The following PTPRO variants were observed in gnomAD, a reference collection of about 807,000 sequenced individuals.
PTPRO encodes the protein receptor-type tyrosine-protein phosphatase O.
A neutral mutation model predicts 145.2 loss-of-function variants in PTPRO; 62 were observed. The observed-to-expected ratio is 0.43, with a 90% CI of 0.35 to 0.53. The LOEUF (loss-of-function observed/expected upper bound fraction) is 0.53. PTPRO is among the 20% of genes least tolerant of loss of function. PTPRO has a pLI of 0.01. For synonymous variants in PTPRO, 565 were observed against 514.7 expected (o/e 1.10, Z -1.32); for missense variants, 1,345 against 1,482.7 (o/e 0.91, Z 1.53).
At chr12:15,512,917 C>A (rs1942471445) in intron 7 of PTPRO, among the ~76,000 whole-genome samples, 1 of 151,710 alleles carries the variant, frequency 6.6e-6, no homozygotes, top group African/African-American at 2.4e-5. Context: ...TCACGTGAAC[C>A]CAGGAGGCAG....
chr12:15,333,875 T>C (rs1866681106), intron 1 of PTPRO, among the ~76,000 whole-genome samples: 1 of 152,122 alleles, frequency 6.6e-6, no homozygotes, highest in African/African-American at 2.4e-5. Flanking sequence ...CATAAATAGG[T>C]TCCCTTGTGT....
intron 1 of PTPRO, among the ~76,000 whole-genome samples, chr12:15,368,954 G>A (rs974232323): frequency 3.3e-5 from 5 of 152,146 alleles, no homozygotes; most frequent in African/African-American, 7.2e-5. Context: ...AACTCCCGTG[G>A]GGGCTGTGAA....
rs57464176 is a variant in PTPRO, at chr12:15,546,015, CAAA to C, written c.2165-541_2165-539del. On this transcript the variant is annotated intron_variant, in intron 12 of 26. Coordinates refer to ENST00000281171, the MANE Select transcript of PTPRO (RefSeq NM_030667.3). ...GGGTGACAGAGTGAGACCCCCGCCT[CAAA>C]AAAAAAAAAAAATGATACTATCTGT... 2.4e-3 allele frequency among the ~76,000 whole-genome samples: 318 copies of C among 133,350 alleles called. 5 individuals carry two copies. The East Asian group carries it at 0.053, about 22-fold the overall frequency. 87.5% of individuals were successfully genotyped at this position (133,350 alleles called of 152,430 possible). A position where few individuals can be genotyped will look rare whatever the true frequency, so the allele number is the denominator to read the frequency against.
At chr12:15,450,804 C>T (rs1343774295) in intron 1 of PTPRO, among the ~76,000 whole-genome samples, 3 of 151,956 alleles carry the variant, frequency 2.0e-5, no homozygotes, top group Non-Finnish European at 4.4e-5. Flanking sequence ...AAAAAAACTA[C>T]CAAGCCAGCA....
At chr12:15,419,206 G>A (rs1364737655) in intron 1 of PTPRO, among the ~76,000 whole-genome samples, 1 of 146,100 alleles carries the variant, frequency 6.8e-6, no homozygotes, top group Non-Finnish European at 1.5e-5. Context: ...CTGCATTTGT[G>A]CCGACAAGTC....
At chr12:15,328,764 T>C (rs1866522486) in intron 1 of PTPRO, among the ~76,000 whole-genome samples, 1 of 152,206 alleles carries the variant, frequency 6.6e-6, no homozygotes, top group African/African-American at 2.4e-5. Flanking sequence ...CTTTATCTAT[T>C]TGGTTTTTCA....
chr12:15,564,114 T>A (rs1943841677), intron 17 of PTPRO, among the ~76,000 whole-genome samples: 1 of 152,130 alleles, frequency 6.6e-6, no homozygotes, highest in South Asian at 2.1e-4. Flanking sequence ...GACTGATTTT[T>A]CCCTCTAAAT....
At chr12:15,455,367 G>A (rs1005630708) in intron 1 of PTPRO, among the ~76,000 whole-genome samples, 1 of 151,590 alleles carries the variant, frequency 6.6e-6, no homozygotes. Context: ...TTTTTCCTGA[G>A]TTTTTTCTCA....
chr12:15,478,006 C>A (rs1941695438), intron 1 of PTPRO, among the ~76,000 whole-genome samples: 1 of 152,272 alleles, frequency 6.6e-6, no homozygotes, highest in East Asian at 1.9e-4. Context: ...AGGGGACAAC[C>A]ATGACTCAGC....
chr12:15,519,205 C>T (rs759985626), intron 9 of PTPRO, among the ~76,000 whole-genome samples: 35 of 152,242 alleles, frequency 2.3e-4, no homozygotes, highest in African/African-American at 7.7e-4. Context: ...AGGAAAACTC[C>T]CCCTTACAAT....
chr12:15,526,313 C>A, intron 12 of PTPRO, 51 bp downstream of exon 12: 1 of 1,605,700 alleles, frequency 6.2e-7, no homozygotes, highest in South Asian at 1.1e-5. Context: ...ATGTTTGCAT[C>A]ATTCGATTCA....
intron 1 of PTPRO, among the ~76,000 whole-genome samples, chr12:15,352,818 A>C (rs1937855313): frequency 6.6e-6 from 1 of 152,188 alleles, no homozygotes; most frequent in Non-Finnish European, 1.5e-5. Flanking sequence ...AATAGCTTAC[A>C]TAAACAGCCT....
At chr12:15,536,657 G>A (rs1437987327) in intron 12 of PTPRO, among the ~76,000 whole-genome samples, 1 of 152,196 alleles carries the variant, frequency 6.6e-6, no homozygotes, top group Non-Finnish European at 1.5e-5. Context: ...GGTGATAATA[G>A]ATTGTTCAGG....
Position 15,427,407 on chromosome 12 carries a change from T to C in PTPRO, c.76-56567T>C, listed in dbSNP as rs796558771. ...AATAAAATTTCTAATTGTATCTTGC[T>C]GATATATAGAAAAACTATTAATGTT... is the stretch of plus-strand genomic sequence containing the variant. On this transcript the variant is annotated intron_variant, in intron 1 of 26. Transcript: ENST00000281171. Among the ~76,000 whole-genome samples the C allele has an allele frequency of 3.9e-5, 6 of 152,018 alleles. No homozygotes were observed. The South Asian group carries it at 1.0e-3, about 26-fold the overall frequency.
At chr12:15,558,999 C>G (rs77804009) in intron 16 of PTPRO, among the ~76,000 whole-genome samples, 1,726 of 152,336 alleles carry the variant, frequency 0.011, 40 homozygotes, top group African/African-American at 0.04. Context: ...TATTAGCACT[C>G]TTTCCAAAAT....
chr12:15,363,256 CA>C (rs1472443055), intron 1 of PTPRO, among the ~76,000 whole-genome samples: 19 of 152,226 alleles, frequency 1.2e-4, no homozygotes, highest in African/African-American at 4.6e-4. Flanking sequence ...CTTAGTTTTG[CA>C]AGACTTTGAA....
rs151233311 is a variant in PTPRO, at chr12:15,351,923, C to T, written c.75+29122C>T. ...CCTAAATAAATAACCTCAGGAAAAA[C>T]ATGTGATTTGCAATAACTGTGGATG... On this transcript the variant is annotated intron_variant, in intron 1 of 26. Transcript: ENST00000281171. 1.9e-4 allele frequency among the ~76,000 whole-genome samples: 29 copies of T among 152,238 alleles called. No individual in the cohort carries two copies. The East Asian group carries it at 4.8e-3, about 25-fold the overall frequency.
chr12:15,379,503 C>T (rs902139962), intron 1 of PTPRO, among the ~76,000 whole-genome samples: 8 of 140,640 alleles, frequency 5.7e-5, no homozygotes, highest in African/African-American at 2.2e-4. Context: ...TGCACTCCAG[C>T]CTAGGTGACA....
At chr12:15,593,051 T>C (rs745693408) in intron 25 of PTPRO, among the ~76,000 whole-genome samples, 20 of 152,206 alleles carry the variant, frequency 1.3e-4, no homozygotes, top group Non-Finnish European at 2.4e-4. Flanking sequence ...CAGATGCAGA[T>C]TGAATGTCCA....
Sources: allele counts gnomAD v4.1 joint callset (sites outside exome capture counted in the v4.1 genomes callset), GRCh38; gene constraint gnomAD v4.1.1; transcripts MANE v1.5; gene names NCBI Gene and HGNC (gene_info 2026-07-23, HGNC 2026-07-21).